The following NT5C3B variants were observed in gnomAD, a reference collection of about 807,000 sequenced individuals.
NT5C3B encodes 7-methylguanosine phosphate-specific 5'-nucleotidase.
A neutral mutation model predicts 32.5 loss-of-function variants in NT5C3B; 28 were observed. The ratio of observed to expected loss-of-function variants is 0.86; its 90% CI spans 0.64 to 1.18. The LOEUF (loss-of-function observed/expected upper bound fraction) is 1.18, where lower values mean the gene tolerates loss of function less well. NT5C3B is among the 50% of genes most tolerant of loss of function. The pLI is 0.00. For missense variants in NT5C3B, 317 were observed against 322.0 expected (o/e 0.98, Z 0.12); for synonymous variants, 138 against 118.0 (o/e 1.17, Z -1.10).
intron 6 of NT5C3B, among the ~76,000 whole-genome samples, chr17:41,829,203 G>A (rs1475491937): frequency 6.6e-6 from 1 of 151,788 alleles, no homozygotes; most frequent in East Asian, 1.9e-4. Flanking sequence ...TTTATGTTTT[G>A]TAAAGACGGG....
intron 4 of NT5C3B, 47 bp from the exon 5 acceptor site, chr17:41,832,524 C>A: frequency 1.3e-6 from 2 of 1,553,324 alleles, no homozygotes; most frequent in South Asian, 2.2e-5. Flanking sequence ...ATATCAAGTT[C>A]TTCCCAGCAA....
At chr17:41,836,052 G>A (rs1227808142) in intron 1 of NT5C3B, 95 bp from the exon 2 acceptor site, 2 of 1,409,254 alleles carry the variant, frequency 1.4e-6, no homozygotes, top group Non-Finnish European at 9.3e-7. Context: ...AGGCGGGGCC[G>A]GGGTGCGCGA....
In NT5C3B at chr17:41,835,275, A is replaced by G. The variant is rs374039740; in HGVS notation, c.112-3T>C. Reference sequence around the variant, plus strand: ...GTCATGTCAAAATCAGAAATCACCTATAAGGCAAAAGAGAGATGATGCCTA... The same window carrying G: ...GTCATGTCAAAATCAGAAATCACCTGTAAGGCAAAAGAGAGATGATGCCTA... On this transcript the variant is annotated splice_polypyrimidine_tract_variant and splice_region_variant and intron_variant, in intron 2 of 8. Transcript: ENST00000435506. 8 of 1,613,612 alleles carry G rather than the reference A, an allele frequency of 5.0e-6. No homozygotes were observed. The highest frequency in any genetic ancestry group is 6.8e-6 in the Non-Finnish European group (8 of 1,179,662).
chr17:41,825,588 C>T lies in NT5C3B; in HGVS notation c.838G>A (p.Val280Met), dbSNP rs782765408. 28 of 872,786 alleles carry T rather than the reference C, an allele frequency of 3.2e-5. 1 individual carries two copies. The highest frequency in any genetic ancestry group is 1.2e-4 in the South Asian group (9 of 76,556). The allele number at this position is 872,786 out of a possible 1,614,324, so 54.1% of individuals were successfully genotyped here. Residue 280 changes from valine to methionine, a missense_variant, in exon 9 of 9, where the codon GTG (valine) becomes ATG (methionine). Coordinates refer to ENST00000435506, the MANE Select transcript of NT5C3B (RefSeq NM_052935.5). ...ATGTGCTGCAGTAGCCCGTTGACCACATCCAGAGTCTCGTCCTTCTCCAGC... is the reference window on the plus strand; with the variant it reads ...ATGTGCTGCAGTAGCCCGTTGACCATATCCAGAGTCTCGTCCTTCTCCAGC... Reference protein sequence around the residue: ...IVLEKDETLDVVNGLLQHILC... With the variant: ...IVLEKDETLDMVNGLLQHILC...
intron 4 of NT5C3B, among the ~76,000 whole-genome samples, chr17:41,834,465 G>A (rs1415928416): frequency 6.7e-6 from 1 of 150,112 alleles, no homozygotes; most frequent in Admixed American, 6.7e-5. Flanking sequence ...TTTTAAAAAG[G>A]CCAGGTGTGG....
rs782599636 is a variant in NT5C3B at position 41,835,315 on chromosome 17, T to A, written c.112-43A>T. 17 of 1,534,186 alleles carry A rather than the reference T, an allele frequency of 1.1e-5. No individual in the cohort carries two copies. In the East Asian group the frequency reaches 3.8e-4, roughly 34 times the overall value. Reference sequence around the variant, plus strand: ...GATGATGCCTAAATAGGCACCAGAATTCTAGTGTGGCCCTGCCTCAGCCTG... The same window carrying A: ...GATGATGCCTAAATAGGCACCAGAAATCTAGTGTGGCCCTGCCTCAGCCTG... On this transcript the variant is annotated intron_variant, in intron 2 of 8. Transcript: ENST00000435506.
Position 41,835,886 on chromosome 17 carries a change from G to A in NT5C3B, c.84C>T (p.Leu28=). The A allele has an allele frequency of 6.2e-7, 1 of 1,609,374 alleles. No homozygotes were observed. The highest frequency in any genetic ancestry group is 8.5e-7 in the Non-Finnish European group (1 of 1,178,742). Residue 28 remains leucine (L), a synonymous_variant, in exon 2 of 9, where the codon CTC becomes CTT. Transcript: ENST00000435506. The part of the protein sequence containing the change: ...PGRVQEIVGA[L]RKGGGDRLQV... Reference sequence around the variant, plus strand: ...GTAACCGGTCTCCGCCGCCCTTGCGGAGGGCGCCCACGATCTCCTGCACCC... The same window carrying A: ...GTAACCGGTCTCCGCCGCCCTTGCGAAGGGCGCCCACGATCTCCTGCACCC...
At chr17:41,830,507 TGAGAA>T (rs376680232) in intron 6 of NT5C3B, among the ~76,000 whole-genome samples, 2,095 of 151,898 alleles carry the variant, frequency 0.014, 44 homozygotes, top group African/African-American at 0.048. Flanking sequence ...GATTCTGTCT[TGAGAA>T]GAGAAGAGAA....
chr17:41,827,844 C>T (rs1471139928), intron 7 of NT5C3B, among the ~76,000 whole-genome samples: 3 of 152,196 alleles, frequency 2.0e-5, no homozygotes, highest in African/African-American at 7.2e-5. Flanking sequence ...TTACATGATG[C>T]CTATGGCTGC....
At chr17:41,833,321 AT>A (rs11309553) in intron 4 of NT5C3B, among the ~76,000 whole-genome samples, 111,120 of 147,318 alleles carry the variant, frequency 0.75, 41,900 homozygotes, top group Admixed American at 0.83. Flanking sequence ...TTCATGTACA[AT>A]TTTTTTTTTT....
In NT5C3B at chr17:41,835,201, AC is replaced by A. The variant is rs2048125817; in HGVS notation, c.181+1del. The A allele has an allele frequency of 6.2e-7, 1 of 1,613,902 alleles. No individual in the cohort carries two copies. The highest frequency in any genetic ancestry group is 2.2e-5 in the East Asian group (1 of 44,900). ...AACAAGGGAAGCTAGAATGTGACTT[AC>A]TGTAAGAAGAAGGGCATCGCTTTCC... On this transcript the variant is annotated splice_donor_variant, in intron 3 of 8. Transcript: ENST00000435506. LOFTEE classifies it high-confidence loss of function.
At chr17:41,835,781 A>G (rs1351582863) in intron 2 of NT5C3B, 78 bp downstream of exon 2, 5 of 1,369,864 alleles carry the variant, frequency 3.7e-6, no homozygotes, top group Admixed American at 3.9e-5. Context: ...GCGGCAGAGC[A>G]AAGCGGGAAG....
intron 7 of NT5C3B, 67 bp from the exon 8 acceptor site, chr17:41,827,693 G>A: frequency 1.3e-6 from 1 of 753,048 alleles, no homozygotes; most frequent in Non-Finnish European, 2.4e-6. Context: ...GCTCTCCACT[G>A]TCTCTGTCAC....
chr17:41,831,027 G>T, intron 5 of NT5C3B, 137 bp from the exon 6 acceptor site: 1 of 664,892 alleles, frequency 1.5e-6, no homozygotes. Flanking sequence ...GCCCTTAAAA[G>T]GAAGAGGGTG....
At position 41,825,632 on chromosome 17, in the gene NT5C3B, A is replaced by T. The variant is rs201574258; in HGVS notation, c.794T>A (p.Met265Lys). The T allele has an allele frequency of 4.6e-6, 4 of 872,752 alleles. No homozygotes were observed. The highest frequency in any genetic ancestry group is 8.0e-6 in the Non-Finnish European group (4 of 501,660). 54.1% of individuals were successfully genotyped at this position (872,752 alleles called of 1,614,324 possible). A position where few individuals can be genotyped will look rare whatever the true frequency, so the allele number is the denominator to read the frequency against. Residue 265 changes from methionine to lysine, a missense_variant, in exon 9 of 9, where the codon ATG becomes AAG. By Grantham distance (95) the Met-to-Lys change is moderately conservative. Transcript: ENST00000435506. Reference sequence around the variant, plus strand: ...CTCCAGCACGATGTCATAGGAGTCCATGTAGCGCTCCCGCCGCTCCTCCAC... The same window carrying T: ...CTCCAGCACGATGTCATAGGAGTCCTTGTAGCGCTCCCGCCGCTCCTCCAC... Reference protein sequence around the residue: ...DKVEERRERYMDSYDIVLEKD... With the variant: ...DKVEERRERYKDSYDIVLEKD...
rs782163732 is a variant in NT5C3B, at chr17:41,828,792, C to T, written c.565G>A (p.Asp189Asn). 6.2e-7 allele frequency: 1 copy of T among 1,612,504 alleles called. No homozygotes were observed. The highest frequency in any genetic ancestry group is 2.2e-5 in the East Asian group (1 of 44,846). The change falls in exon 7 of 9, where the codon GAT (aspartate) becomes AAT (asparagine). Residue 189 changes from aspartate (D) to asparagine (N), a missense_variant and splice_region_variant. Coordinates refer to ENST00000435506, the MANE Select transcript of NT5C3B (RefSeq NM_052935.5). The stretch of plus-strand genomic sequence containing the variant: ...AGCCCAAACAGGATTTGGCTCACAT[C>T]TTCATTAAAATCCATGTAGTTAGAC... The part of the protein sequence containing the change: ...IVSNYMDFNE[D>N]GFLQGFKGQL...
chr17:41,828,341 T>C, intron 7 of NT5C3B: 1 of 155,902 alleles, frequency 6.4e-6, no homozygotes, highest in South Asian at 2.0e-4. Context: ...GTTTTTTTGT[T>C]TTTGTTTTTT....
intron 4 of NT5C3B, 89 bp from the exon 5 acceptor site, chr17:41,832,566 C>T (rs2048070347): frequency 4.3e-6 from 5 of 1,156,940 alleles, no homozygotes; most frequent in Admixed American, 1.9e-5. Flanking sequence ...AAAAAAGTCA[C>T]CTAGAAGAGG....
intron 1 of NT5C3B, 66 bp downstream of exon 1, chr17:41,836,116 G>A (rs1555619987): frequency 7.5e-7 from 1 of 1,330,422 alleles, no homozygotes; most frequent in Non-Finnish European, 9.6e-7. Flanking sequence ...CCAGCTGGGG[G>A]GCTCGAAGCG....
Sources: allele counts gnomAD v4.1 joint callset (sites outside exome capture counted in the v4.1 genomes callset), GRCh38; gene constraint gnomAD v4.1.1; transcripts MANE v1.5; gene names NCBI Gene and HGNC (gene_info 2026-07-23, HGNC 2026-07-21).